Variants in TTLL5 observed in about 807,000 individuals in gnomAD.
TTLL5 encodes the protein tubulin tyrosine ligase like 5.
In TTLL5, 132 loss-of-function variants were observed where a neutral mutation model predicts 168.4. The ratio of observed to expected loss-of-function variants is 0.78; its 90% CI spans 0.68 to 0.91. The LOEUF is 0.91. Ranked by LOEUF, TTLL5 falls within the 40% of genes least tolerant of loss-of-function variation. The pLI is 0.00. For synonymous variants in TTLL5, 546 were observed against 558.6 expected (o/e 0.98, Z 0.32); for missense variants, 1,545 against 1,581.5 (o/e 0.98, Z 0.39).
chr14:75,884,101 A>G (rs1419462141), intron 30 of TTLL5, among the ~76,000 whole-genome samples: 2 of 152,234 alleles, frequency 1.3e-5, no homozygotes, highest in Admixed American at 6.5e-5. Flanking sequence ...GTCAGTTGTT[A>G]AATGTTAACA....
chr14:75,867,057 A>G (rs2030578576), intron 29 of TTLL5, among the ~76,000 whole-genome samples: 2 of 152,240 alleles, frequency 1.3e-5, no homozygotes, highest in African/African-American at 4.8e-5. Context: ...AGAGGTCAGC[A>G]AACTTTTTCT....
chr14:75,801,440 C>T (rs549011397), intron 27 of TTLL5, among the ~76,000 whole-genome samples: 7 of 152,320 alleles, frequency 4.6e-5, no homozygotes, highest in Admixed American at 3.3e-4. Flanking sequence ...TCCATCACCT[C>T]AAGCATTTAT....
At position 75,832,798 on chromosome 14, in the gene TTLL5, G is replaced by A. The variant is rs567762923; in HGVS notation, c.3326+12637G>A. 2.0e-4 allele frequency among the ~76,000 whole-genome samples: 30 copies of A among 152,344 alleles called. 1 individual carries two copies. Among genetic ancestry groups the A allele is most frequent in the African/African-American group, 7.0e-4 (29 of 41,574 alleles). ...TCAGTTAGTTTGGCACAGGTTTAAAGCATTAAACGGTCCATTCCAGGCACT... is the reference window on the plus strand; with the variant it reads ...TCAGTTAGTTTGGCACAGGTTTAAAACATTAAACGGTCCATTCCAGGCACT... On this transcript the variant is annotated intron_variant, in intron 28 of 31. Coordinates refer to ENST00000298832, the MANE Select transcript of TTLL5 (RefSeq NM_015072.5).
At chr14:75,836,078 G>A (rs1895850936) in intron 28 of TTLL5, among the ~76,000 whole-genome samples, 1 of 152,180 alleles carries the variant, frequency 6.6e-6, no homozygotes, top group African/African-American at 2.4e-5. Context: ...ATATTGAAGA[G>A]ATATGTGCAC....
At chr14:75,846,450 A>G (rs1279094861) in intron 28 of TTLL5, among the ~76,000 whole-genome samples, 1 of 152,178 alleles carries the variant, frequency 6.6e-6, no homozygotes, top group African/African-American at 2.4e-5. Context: ...TAATAGTTAC[A>G]GTATTTTAGA....
chr14:75,735,055 GTGCAT>G, intron 14 of TTLL5, 135 bp from the exon 15 acceptor site: 1 of 716,092 alleles, frequency 1.4e-6, no homozygotes, highest in Non-Finnish European at 2.4e-6. Context: ...TGGGAGAGTT[GTGCAT>G]TATGCTCCTG....
chr14:75,719,840 C>G lies in TTLL5; in HGVS notation c.934+14C>G, dbSNP rs773144591. 5 of 1,610,756 alleles carry G rather than the reference C, an allele frequency of 3.1e-6. No individual in the cohort carries two copies. The highest frequency in any genetic ancestry group is 3.3e-5 in the Admixed American group (2 of 59,946). On this transcript the variant is annotated intron_variant, in intron 11 of 31. Transcript: ENST00000298832. Reference sequence around the variant, plus strand: ...GAGATACAACCGGTGAGTACTGGGCCTTTTTCCTTCTTGACTTCTCTTCTT... The same window carrying G: ...GAGATACAACCGGTGAGTACTGGGCGTTTTTCCTTCTTGACTTCTCTTCTT...
chr14:75,818,899 A>T (rs928631703), intron 27 of TTLL5, among the ~76,000 whole-genome samples: 1 of 152,212 alleles, frequency 6.6e-6, no homozygotes, highest in African/African-American at 2.4e-5. Flanking sequence ...TTTCAGTATT[A>T]AAAACAATGC....
At chr14:75,932,618 G>A (rs2034311710) in intron 31 of TTLL5, among the ~76,000 whole-genome samples, 1 of 152,206 alleles carries the variant, frequency 6.6e-6, no homozygotes, top group Non-Finnish European at 1.5e-5. Flanking sequence ...GTGAACTGCT[G>A]TGGTAGAAAA....
At chr14:75,724,807 T>C (rs59249136) in intron 12 of TTLL5, among the ~76,000 whole-genome samples, 2,788 of 152,286 alleles carry the variant, frequency 0.018, 89 homozygotes, top group African/African-American at 0.061. Flanking sequence ...TATGGTACCA[T>C]GTGAAATAAT....
At chr14:75,683,405 T>C in intron 4 of TTLL5, 145 bp from the exon 5 acceptor site, 1 of 614,910 alleles carries the variant, frequency 1.6e-6, no homozygotes, top group Admixed American at 2.9e-5. Flanking sequence ...TGCTTTTGTC[T>C]CACTAGGCTC....
intron 14 of TTLL5, 98 bp from the exon 15 acceptor site, chr14:75,735,097 C>A: frequency 9.5e-7 from 1 of 1,057,338 alleles, no homozygotes. Flanking sequence ...ATATTTATGA[C>A]AGTGAAACTG....
At chr14:75,908,962 G>C (rs909422646) in intron 31 of TTLL5, among the ~76,000 whole-genome samples, 1 of 151,852 alleles carries the variant, frequency 6.6e-6, no homozygotes, top group Non-Finnish European at 1.5e-5. Flanking sequence ...ATTTTTAGTA[G>C]AGATGGGGTT....
chr14:75,846,663 G>C (rs985711895), intron 28 of TTLL5, among the ~76,000 whole-genome samples: 6 of 152,008 alleles, frequency 3.9e-5, no homozygotes, highest in Admixed American at 3.9e-4. Flanking sequence ...GGTGGCGCGT[G>C]CCCGTAATCC....
intron 28 of TTLL5, chr14:75,838,945 G>T (rs147014328): frequency 0.012 from 1,905 of 152,930 alleles, 15 homozygotes; most frequent in South Asian, 0.026. Context: ...CTTGAACCTG[G>T]TCCACTGGCC....
chr14:75,924,289 G>GGT (rs1555357290), intron 31 of TTLL5, among the ~76,000 whole-genome samples: 16 of 143,580 alleles, frequency 1.1e-4, no homozygotes, highest in African/African-American at 4.1e-4. Context: ...TATTTTGCCT[G>GGT]TTTTTTTTTT....
rs572803026 is a variant in TTLL5, at chr14:75,819,942, A to G, written c.3172-65A>G. ...TTGGCCTTGACTTGATTTTGCCTAT[A>G]TGTTGTTAATGATGCTTTTTAAAAA... is the stretch of plus-strand genomic sequence containing the variant. On this transcript the variant is annotated intron_variant, in intron 27 of 31. Coordinates refer to ENST00000298832, the MANE Select transcript of TTLL5 (RefSeq NM_015072.5). The G allele has an allele frequency of 7.4e-4, 1,126 of 1,517,134 alleles. 19 individuals are homozygous for G. The South Asian group carries it at 0.014, about 19-fold the overall frequency. 94.0% of individuals were successfully genotyped at this position (1,517,134 alleles called of 1,614,324 possible). A position where few individuals can be genotyped will look rare whatever the true frequency, so the allele number is the denominator to read the frequency against.
chr14:75,890,520 A>G (rs1333554420), intron 30 of TTLL5, among the ~76,000 whole-genome samples: 1 of 152,178 alleles, frequency 6.6e-6, no homozygotes, highest in Admixed American at 6.5e-5. Flanking sequence ...AAACTAGATG[A>G]AAGATAATAT....
At chr14:75,859,625 T>TCAATCA (rs1484978317) in intron 28 of TTLL5, among the ~76,000 whole-genome samples, 2 of 152,104 alleles carry the variant, frequency 1.3e-5, no homozygotes, top group African/African-American at 4.8e-5. Flanking sequence ...ACACTAAATT[T>TCAATCA]TGGAGAGAAT....
Sources: gnomAD v4.1 joint callset for allele counts (sites outside exome capture counted in the v4.1 genomes callset) on GRCh38, gnomAD v4.1.1 for gene constraint, MANE v1.5 for transcripts, NCBI Gene and HGNC (gene_info 2026-07-23, HGNC 2026-07-21) for gene names.